The following ATP2B2 variants were observed in gnomAD, a reference collection of about 807,000 sequenced individuals.
ATP2B2 encodes the protein ATPase plasma membrane Ca2+ transporting 2.
Under a neutral mutation model 120.0 loss-of-function variants are expected in ATP2B2, and 15 were observed. That is an observed-to-expected ratio of 0.12 (90% confidence interval 0.08 to 0.19). The LOEUF (loss-of-function observed/expected upper bound fraction) is 0.19. Among genes scored for constraint, ATP2B2 ranks in the 10% least tolerant of loss-of-function variants. ATP2B2 has a pLI of 1.00. For synonymous variants in ATP2B2, 694 were observed against 700.3 expected (o/e 0.99, Z 0.14); for missense variants, 1,045 against 1,719.8 (o/e 0.61, Z 6.94).
chr3:10,572,760 C>T (rs1221426230), intron 2 of ATP2B2, among the ~76,000 whole-genome samples: 2 of 152,128 alleles, frequency 1.3e-5, no homozygotes, highest in Non-Finnish European at 2.9e-5. Context: ...GCAGGGGCCA[C>T]ATGAGAAAAT....
chr3:10,444,935 T>C (rs1210580753), intron 2 of ATP2B2, among the ~76,000 whole-genome samples: 2 of 152,236 alleles, frequency 1.3e-5, no homozygotes, highest in Non-Finnish European at 2.9e-5. Flanking sequence ...TCCCAGGCAA[T>C]GCATCAGGTG....
At chr3:10,577,571 C>T (rs940509817) in intron 2 of ATP2B2, among the ~76,000 whole-genome samples, 1 of 152,226 alleles carries the variant, frequency 6.6e-6, no homozygotes, top group Non-Finnish European at 1.5e-5. Flanking sequence ...ATCTCCCAAC[C>T]TCAGAACGGG....
intron 14 of ATP2B2, among the ~76,000 whole-genome samples, chr3:10,352,827 G>C (rs1457159953): frequency 6.6e-6 from 1 of 152,228 alleles, no homozygotes; most frequent in Non-Finnish European, 1.5e-5. Context: ...ACAGCAAAGA[G>C]CTGCTGTTTC....
At chr3:10,563,388 AT>A (rs2067944487) in intron 2 of ATP2B2, among the ~76,000 whole-genome samples, 2 of 152,334 alleles carry the variant, frequency 1.3e-5, no homozygotes, top group African/African-American at 4.8e-5. Flanking sequence ...CAAATCAATA[AT>A]CCAATTAGGC....
At chr3:10,579,125 G>A (rs1235418103) in intron 2 of ATP2B2, among the ~76,000 whole-genome samples, 1 of 152,204 alleles carries the variant, frequency 6.6e-6, no homozygotes, top group Non-Finnish European at 1.5e-5. Flanking sequence ...TACCTCCCAG[G>A]GAAGTTCTGA....
At chr3:10,345,321 C>CG (rs2060399267) in intron 18 of ATP2B2, 63 bp downstream of exon 18, 1 of 1,587,588 alleles carries the variant, frequency 6.3e-7, no homozygotes, top group Non-Finnish European at 8.6e-7. Flanking sequence ...CCTAAGGCCC[C>CG]CGAGCCTCTG....
intron 2 of ATP2B2, among the ~76,000 whole-genome samples, chr3:10,417,877 A>T (rs929227082): frequency 1.3e-5 from 2 of 152,206 alleles, no homozygotes; most frequent in Non-Finnish European, 2.9e-5. Flanking sequence ...AGAGTGGCTG[A>T]AGCATTCCTG....
At chr3:10,649,757 C>T (rs754662341) in intron 1 of ATP2B2, among the ~76,000 whole-genome samples, 63 of 152,170 alleles carry the variant, frequency 4.1e-4, no homozygotes, top group Non-Finnish European at 6.3e-4. Flanking sequence ...ATCATGGGGG[C>T]GGGTGTTTTC....
Position 10,449,497 on chromosome 3 carries a change from T to C in ATP2B2, c.47A>G (p.Asn16Ser). Residue 16 changes from asparagine (N) to serine (S), a missense_variant, in exon 2 of 23, where the codon AAT becomes AGT. Physicochemically the swap from Asn to Ser is conservative, Grantham distance 46. Around this residue, in one of 11 missense-constraint regions of ATP2B2, gnomAD observed 139 missense variants for 134.2 expected, o/e 1.04. Transcript: ENST00000360273. ...GAACTCGCCCCCATGGCTCGACTCATTTCTTTGGTTTTTGGAGTAAAAGTC... is the reference window on the plus strand; with the variant it reads ...GAACTCGCCCCCATGGCTCGACTCACTTCTTTGGTTTTTGGAGTAAAAGTC... ...NSDFYSKNQRNESSHGGEFGC... is the reference protein window; with the variant it reads ...NSDFYSKNQRSESSHGGEFGC... The C allele has an allele frequency of 6.2e-7, 1 of 1,614,228 alleles. No individual in the cohort carries two copies. Among genetic ancestry groups the C allele is most frequent in the Non-Finnish European group, 8.5e-7 (1 of 1,180,046 alleles).
rs769527949 is a variant in ATP2B2, at chr3:10,345,420, G to A, written c.2667C>T (p.Ala889=). 10 of 1,614,198 alleles carry A rather than the reference G, an allele frequency of 6.2e-6. No homozygotes were observed. The highest frequency in any genetic ancestry group is 2.2e-5 in the South Asian group (2 of 91,088). Residue 889 remains alanine (A), a synonymous_variant, in exon 18 of 23, where the codon GCC becomes GCT. Coordinates refer to ENST00000360273, the MANE Select transcript of ATP2B2 (RefSeq NM_001001331.4). ...LQFQLTVNVV[A]VIVAFTGACI... is the part of the protein sequence containing the mutation. Reference sequence around the variant, plus strand: ...AGGCGCCTGTGAAGGCCACAATCACGGCCACCACGTTGACGGTGAGCTGGA... The same window carrying A: ...AGGCGCCTGTGAAGGCCACAATCACAGCCACCACGTTGACGGTGAGCTGGA...
At chr3:10,676,815 G>A (rs1001443183) in intron 1 of ATP2B2, among the ~76,000 whole-genome samples, 2 of 152,190 alleles carry the variant, frequency 1.3e-5, no homozygotes, top group Non-Finnish European at 2.9e-5. Context: ...ATAAAGGATT[G>A]CTTAAATAAA....
chr3:10,621,662 T>A (rs2069552939), intron 1 of ATP2B2, among the ~76,000 whole-genome samples: 1 of 152,154 alleles, frequency 6.6e-6, no homozygotes, highest in Non-Finnish European at 1.5e-5. Context: ...ACAATAGCAA[T>A]CTTACTAATA....
At chr3:10,376,509 C>G (rs764689255) in intron 10 of ATP2B2, among the ~76,000 whole-genome samples, 1 of 152,102 alleles carries the variant, frequency 6.6e-6, no homozygotes, top group African/African-American at 2.4e-5. Context: ...AATGCTGTAA[C>G]GGTAGGAACG....
At chr3:10,454,174 A>G (rs572864997) in intron 1 of ATP2B2, among the ~76,000 whole-genome samples, 3 of 152,352 alleles carry the variant, frequency 2.0e-5, no homozygotes, top group African/African-American at 7.2e-5. Flanking sequence ...TGAAGAAGAG[A>G]GACAACTAAA....
intron 1 of ATP2B2, among the ~76,000 whole-genome samples, chr3:10,497,116 G>A (rs2066184249): frequency 6.6e-6 from 1 of 152,234 alleles, no homozygotes; most frequent in Admixed American, 6.5e-5. Context: ...TGTTTGTGGT[G>A]GTCAGGCAGA....
At chr3:10,456,161 A>T (rs1441929245) in intron 1 of ATP2B2, among the ~76,000 whole-genome samples, 1 of 152,222 alleles carries the variant, frequency 6.6e-6, no homozygotes. Context: ...AGAATAAAAA[A>T]ATAAACAAAA....
intron 1 of ATP2B2, among the ~76,000 whole-genome samples, chr3:10,498,716 C>T (rs918207767): frequency 6.6e-6 from 1 of 152,230 alleles, no homozygotes; most frequent in African/African-American, 2.4e-5. Context: ...CAGAGACCTG[C>T]TTTCTTCCTT....
intron 8 of ATP2B2, among the ~76,000 whole-genome samples, chr3:10,382,951 T>G (rs991546823): frequency 6.6e-6 from 1 of 151,990 alleles, no homozygotes; most frequent in African/African-American, 2.4e-5. Flanking sequence ...CTTGTGCCTC[T>G]CCACCTGTAA....
intron 1 of ATP2B2, among the ~76,000 whole-genome samples, chr3:10,703,998 T>A (rs919164813): frequency 2.0e-5 from 3 of 152,158 alleles, no homozygotes; most frequent in Admixed American, 6.5e-5. Context: ...CTGCTTACCC[T>A]GCCTCACCCA....
Sources: gnomAD v4.1 joint callset for allele counts (sites outside exome capture counted in the v4.1 genomes callset) on GRCh38, gnomAD v4.1.1 for gene constraint, gnomAD v4.1.1 regional missense constraint, MANE v1.5 for transcripts, NCBI Gene and HGNC (gene_info 2026-07-23, HGNC 2026-07-21) for gene names.